DNAJC1: variants seen among roughly 807,000 people sequenced by gnomAD.
The protein encoded by DNAJC1 is DnaJ heat shock protein family (Hsp40) member C1.
DNAJC1 carries 58 observed loss-of-function variants against 76.6 expected under a neutral mutation model. The ratio of observed to expected loss-of-function variants is 0.76; its 90% CI spans 0.61 to 0.94. The LOEUF (loss-of-function observed/expected upper bound fraction) is 0.94. Ranked by LOEUF, DNAJC1 falls within the 40% of genes least tolerant of loss-of-function variation. DNAJC1 has a pLI of 0.00. For missense variants in DNAJC1, 689 were observed against 677.3 expected, an observed-to-expected ratio of 1.02 and a Z score of -0.19; for synonymous variants, 258 against 267.9, an observed-to-expected ratio of 0.96 and a Z score of 0.36.
At chr10:21,932,922 T>G (rs1384314538) in intron 1 of DNAJC1, among the ~76,000 whole-genome samples, 1 of 152,124 alleles carries the variant, frequency 6.6e-6, no homozygotes, top group African/African-American at 2.4e-5. Context: ...TATTAGCCAG[T>G]GCTGAATGGG....
intron 1 of DNAJC1, among the ~76,000 whole-genome samples, chr10:21,968,178 T>C (rs954909015): frequency 2.6e-5 from 4 of 152,220 alleles, no homozygotes; most frequent in Admixed American, 6.5e-5. Flanking sequence ...AAGTTACCAC[T>C]TTCTCAAAGT....
chr10:21,760,361 A>T (rs1834227155), intron 10 of DNAJC1, among the ~76,000 whole-genome samples: 1 of 152,258 alleles, frequency 6.6e-6, no homozygotes, highest in Non-Finnish European at 1.5e-5. Context: ...TGATATCCTC[A>T]ATACAGTAGC....
At chr10:21,828,913 G>C (rs1165518394) in intron 8 of DNAJC1, among the ~76,000 whole-genome samples, 1 of 152,134 alleles carries the variant, frequency 6.6e-6, no homozygotes, top group Non-Finnish European at 1.5e-5. Flanking sequence ...ATATAAGGCA[G>C]GTTATCTGCT....
chr10:21,908,148 T>A (rs11012825), intron 6 of DNAJC1, among the ~76,000 whole-genome samples: 1 of 107,734 alleles, frequency 9.3e-6, no homozygotes, highest in South Asian at 2.3e-4. Context: ...AAATATATAA[T>A]ATATAATATA....
At chr10:21,929,229 G>A in intron 1 of DNAJC1, 88 bp from the exon 2 acceptor site, 1 of 874,418 alleles carries the variant, frequency 1.1e-6, no homozygotes, top group Non-Finnish European at 1.8e-6. Context: ...TGAGAAGACA[G>A]CCAACCAAGT....
intron 1 of DNAJC1, among the ~76,000 whole-genome samples, chr10:21,984,260 T>A (rs1031764083): frequency 2.0e-5 from 3 of 152,140 alleles, no homozygotes; most frequent in African/African-American, 7.2e-5. Context: ...AGACCCCAAA[T>A]AACAGCTTAA....
rs141720673 is a variant in DNAJC1 at position 21,966,244 on chromosome 10, T to C, written c.222+36969A>G. 1.8e-3 allele frequency among the ~76,000 whole-genome samples: 268 copies of C among 152,310 alleles called. 4 individuals are homozygous for C. Among genetic ancestry groups the C allele is most frequent in the Non-Finnish European group, 2.6e-4 (18 of 68,028 alleles). On this transcript the variant is annotated intron_variant, in intron 1 of 11. Transcript: ENST00000376980. ...ATGTTCTTACTGGTAATACTAACAC[T>C]GTTCACTTGGTTAAAGTGGTATTTG... is the stretch of plus-strand genomic sequence containing the variant.
intron 7 of DNAJC1, among the ~76,000 whole-genome samples, chr10:21,890,167 T>G (rs1836436955): frequency 4.7e-5 from 3 of 64,284 alleles, no homozygotes. Flanking sequence ...ATCTCAGCAC[T>G]TTGGGAGGCT....
intron 8 of DNAJC1, among the ~76,000 whole-genome samples, chr10:21,851,200 G>GA (rs1374359893): frequency 2.6e-5 from 4 of 151,978 alleles, no homozygotes; most frequent in Non-Finnish European, 5.9e-5. Context: ...TTATGAAAAT[G>GA]AAAAAACTCC....
At chr10:21,799,321 C>T (rs1302284397) in intron 9 of DNAJC1, among the ~76,000 whole-genome samples, 1 of 151,924 alleles carries the variant, frequency 6.6e-6, no homozygotes, top group Non-Finnish European at 1.5e-5. Flanking sequence ...TGTTTTGAGA[C>T]AGGGGCTCAC....
At chr10:21,957,608 G>A (rs999205407) in intron 1 of DNAJC1, among the ~76,000 whole-genome samples, 7 of 152,138 alleles carry the variant, frequency 4.6e-5, no homozygotes, top group African/African-American at 1.7e-4. Context: ...TTTTTCATGT[G>A]TTTACTTTCT....
chr10:21,908,494 G>A (rs1340391943), intron 6 of DNAJC1, among the ~76,000 whole-genome samples: 2 of 148,584 alleles, frequency 1.3e-5, no homozygotes, highest in African/African-American at 5.0e-5. Flanking sequence ...TTTCATGGGG[G>A]GGGGGTGAAT....
chr10:21,776,774 T>C (rs1270910662), intron 9 of DNAJC1, among the ~76,000 whole-genome samples: 1 of 152,218 alleles, frequency 6.6e-6, no homozygotes, highest in Non-Finnish European at 1.5e-5. Flanking sequence ...CGAAGGTCTT[T>C]GATTAACTGA....
At chr10:21,912,316 A>C (rs1328238404) in intron 6 of DNAJC1, among the ~76,000 whole-genome samples, 1 of 152,102 alleles carries the variant, frequency 6.6e-6, no homozygotes, top group Non-Finnish European at 1.5e-5. Context: ...TAAAATATGG[A>C]ATTGATGAGA....
rs1838556536 is a variant in DNAJC1, at chr10:22,003,311, C to T, written c.124G>A (p.Val42Met). The T allele has an allele frequency of 1.3e-6, 2 of 1,523,524 alleles. No individual in the cohort carries two copies. The highest frequency in any genetic ancestry group is 2.1e-5 in the Admixed American group (1 of 47,774). 94.4% of individuals were successfully genotyped at this position (1,523,524 alleles called of 1,614,324 possible). A position where few individuals can be genotyped will look rare whatever the true frequency, so the allele number is the denominator to read the frequency against. ...CTCTCCCAGCCGCGCGCCGGCGCCA[C>T]GGCGGCCAGCAGCAGCAGCAGCAGC... Reference protein sequence around the residue: ...LWLLLLLLAAVAPARGWESGD... With the variant: ...LWLLLLLLAAMAPARGWESGD... The change falls in exon 1 of 12, where the codon GTG (valine) becomes ATG (methionine). Residue 42 changes from valine to methionine, a missense_variant. By Grantham distance (21) the Val-to-Met change is conservative. Coordinates refer to ENST00000376980, the MANE Select transcript of DNAJC1 (RefSeq NM_022365.4).
chr10:21,787,814 G>A (rs1049388210), intron 9 of DNAJC1, among the ~76,000 whole-genome samples: 3 of 152,220 alleles, frequency 2.0e-5, no homozygotes, highest in African/African-American at 7.2e-5. Context: ...CAGGCACTAA[G>A]CCCAGCTGAG....
chr10:21,914,161 C>A (rs1159666909), intron 6 of DNAJC1, among the ~76,000 whole-genome samples: 1 of 152,132 alleles, frequency 6.6e-6, no homozygotes, highest in Non-Finnish European at 1.5e-5. Context: ...GCATCTTGTC[C>A]TTGAATACTG....
intron 9 of DNAJC1, among the ~76,000 whole-genome samples, chr10:21,787,722 G>C (rs1440189608): frequency 2.6e-5 from 4 of 152,150 alleles, no homozygotes; most frequent in Non-Finnish European, 4.4e-5. Context: ...TTGATGAAAA[G>C]GTAGGCAAGA....
intron 7 of DNAJC1, among the ~76,000 whole-genome samples, chr10:21,891,927 C>T (rs1836469306): frequency 6.6e-6 from 1 of 152,080 alleles, no homozygotes; most frequent in African/African-American, 2.4e-5. Context: ...TTTCCTCCTG[C>T]TCTTGAGTTT....
Sources: allele counts gnomAD v4.1 joint callset (sites outside exome capture counted in the v4.1 genomes callset), GRCh38; gene constraint gnomAD v4.1.1; transcripts MANE v1.5; gene names NCBI Gene and HGNC (gene_info 2026-07-23, HGNC 2026-07-21).